Variants in RSPO2 observed in about 807,000 individuals in gnomAD.
The protein encoded by RSPO2 is R-spondin 2.
A neutral mutation model predicts 30.9 loss-of-function variants in RSPO2; 14 were observed. The observed-to-expected ratio is 0.45, with a 90% CI of 0.30 to 0.71. The LOEUF (loss-of-function observed/expected upper bound fraction) is 0.71. Among genes scored for constraint, RSPO2 ranks in the 30% least tolerant of loss-of-function variants. The pLI is 0.08. For synonymous variants in RSPO2, 107 were observed against 96.4 expected (o/e 1.11, Z -0.64); for missense variants, 264 against 301.9 (o/e 0.87, Z 0.93).
intron 2 of RSPO2, among the ~76,000 whole-genome samples, chr8:108,014,516 A>G (rs1258813552): frequency 2.6e-5 from 4 of 152,210 alleles, no homozygotes; most frequent in African/African-American, 9.6e-5. Context: ...ATGCAGCCAT[A>G]AAAAAGGATG....
intron 3 of RSPO2, among the ~76,000 whole-genome samples, chr8:107,987,350 A>G (rs1814682067): frequency 6.6e-6 from 1 of 152,104 alleles, no homozygotes; most frequent in Non-Finnish European, 1.5e-5. Flanking sequence ...TCTTTAGTTC[A>G]CTGCCTACTC....
At chr8:107,997,592 T>A (rs1411929086) in intron 2 of RSPO2, among the ~76,000 whole-genome samples, 12 of 152,176 alleles carry the variant, frequency 7.9e-5, no homozygotes, top group Non-Finnish European at 1.6e-4. Flanking sequence ...ATCCCCTTGA[T>A]GGGAAAAGGA....
At chr8:108,077,648 G>A (rs80101211) in intron 2 of RSPO2, among the ~76,000 whole-genome samples, 4,269 of 151,986 alleles carry the variant, frequency 0.028, 182 homozygotes, top group African/African-American at 0.095. Flanking sequence ...ATGTATACAC[G>A]TATGCATATA....
At chr8:107,923,201 G>A (rs1462873065) in intron 5 of RSPO2, among the ~76,000 whole-genome samples, 1 of 151,980 alleles carries the variant, frequency 6.6e-6, no homozygotes, top group South Asian at 2.1e-4. Flanking sequence ...CTAATATCCA[G>A]CATCTATAAG....
intron 2 of RSPO2, among the ~76,000 whole-genome samples, chr8:108,038,582 A>C (rs1245730945): frequency 6.6e-6 from 1 of 152,192 alleles, no homozygotes. Flanking sequence ...ATTTCATTAA[A>C]GGAAGAGTCC....
chr8:107,933,782 A>G (rs1812626331), intron 5 of RSPO2, among the ~76,000 whole-genome samples: 1 of 152,190 alleles, frequency 6.6e-6, no homozygotes, highest in Non-Finnish European at 1.5e-5. Flanking sequence ...CTTTGGACTT[A>G]TTTCAATCCA....
intron 2 of RSPO2, among the ~76,000 whole-genome samples, chr8:108,030,218 T>C (rs1811379428): frequency 1.3e-5 from 2 of 151,110 alleles, no homozygotes; most frequent in Non-Finnish European, 2.9e-5. Context: ...AAACTGCAGC[T>C]GGATGAGCTG....
At chr8:108,058,672 A>G (rs1812341442) in intron 2 of RSPO2, among the ~76,000 whole-genome samples, 2 of 152,050 alleles carry the variant, frequency 1.3e-5, no homozygotes, top group Non-Finnish European at 1.5e-5. Context: ...GGAACAGAAC[A>G]GAGCCCTCAG....
intron 2 of RSPO2, among the ~76,000 whole-genome samples, chr8:108,015,001 C>T (rs537478140): frequency 1.6e-4 from 24 of 152,114 alleles, no homozygotes; most frequent in African/African-American, 5.5e-4. Flanking sequence ...AGAATTAAAG[C>T]ATAATATAGC....
At chr8:108,082,253 T>C (rs1563595895) in intron 2 of RSPO2, among the ~76,000 whole-genome samples, 1 of 151,226 alleles carries the variant, frequency 6.6e-6, no homozygotes, top group Non-Finnish European at 1.5e-5. Flanking sequence ...GATGAGGAGG[T>C]GGGGCGGCGA....
chr8:108,055,240 C>T (rs182349947), intron 2 of RSPO2, among the ~76,000 whole-genome samples: 1 of 152,120 alleles, frequency 6.6e-6, no homozygotes, highest in Admixed American at 6.5e-5. Flanking sequence ...GAGTGAACAG[C>T]AAATGCAAAG....
intron 2 of RSPO2, among the ~76,000 whole-genome samples, chr8:108,014,323 C>T (rs1382835653): frequency 6.6e-6 from 1 of 152,072 alleles, no homozygotes; most frequent in Non-Finnish European, 1.5e-5. Context: ...TACCATTTGA[C>T]CCAGCAATCC....
At chr8:107,921,847 C>CA (rs765451582) in intron 5 of RSPO2, among the ~76,000 whole-genome samples, 81 of 151,902 alleles carry the variant, frequency 5.3e-4, no homozygotes, top group Non-Finnish European at 9.4e-4. Context: ...GAACTAAATA[C>CA]AAAAAAACAC....
intron 5 of RSPO2, among the ~76,000 whole-genome samples, chr8:107,951,438 G>A (rs1182955297): frequency 2.0e-5 from 3 of 152,230 alleles, no homozygotes; most frequent in South Asian, 2.1e-4. Flanking sequence ...TCTCCTGCAC[G>A]GAGGGGGAAA....
chr8:107,983,174 G>A (rs898797387), intron 3 of RSPO2: 39 of 1,545,032 alleles, frequency 2.5e-5, no homozygotes, highest in Middle Eastern at 2.3e-4. Flanking sequence ...TGAGCAGACC[G>A]TTTATTAGCT....
intron 3 of RSPO2, among the ~76,000 whole-genome samples, chr8:107,961,332 TG>T (rs1037415717): frequency 6.6e-6 from 1 of 152,134 alleles, no homozygotes; most frequent in African/African-American, 2.4e-5. Flanking sequence ...GGGTGGGGCA[TG>T]GGGGTGGAAG....
At chr8:108,078,722 A>G (rs979831626) in intron 2 of RSPO2, among the ~76,000 whole-genome samples, 1 of 152,220 alleles carries the variant, frequency 6.6e-6, no homozygotes, top group African/African-American at 2.4e-5. Flanking sequence ...GAGTTATTAG[A>G]GGAAGGAGAA....
At chr8:108,055,431 G>C (rs371822007) in intron 2 of RSPO2, among the ~76,000 whole-genome samples, 1 of 152,132 alleles carries the variant, frequency 6.6e-6, no homozygotes, top group South Asian at 2.1e-4. Flanking sequence ...ATTTAAATGG[G>C]GGGGAGAATT....
chr8:108,040,414 A>C (rs1174126759), intron 2 of RSPO2, among the ~76,000 whole-genome samples: 1 of 152,134 alleles, frequency 6.6e-6, no homozygotes, highest in Non-Finnish European at 1.5e-5. Context: ...TTAGACAAGA[A>C]AAAAAACATG....
Sources: gnomAD v4.1 joint callset for allele counts (sites outside exome capture counted in the v4.1 genomes callset) on GRCh38, gnomAD v4.1.1 for gene constraint, MANE v1.5 for transcripts, NCBI Gene and HGNC (gene_info 2026-07-23, HGNC 2026-07-21) for gene names.